The following PRIMA1 variants were observed in gnomAD, a reference collection of about 807,000 sequenced individuals.
PRIMA1 encodes proline rich membrane anchor 1.
PRIMA1 carries 7 observed loss-of-function variants against 17.5 expected under a neutral mutation model. The observed-to-expected ratio is 0.40, with a 90% confidence interval of 0.23 to 0.75. PRIMA1 has a LOEUF of 0.75. Ranked by LOEUF, PRIMA1 falls within the 30% of genes least tolerant of loss-of-function variation. The pLI, the probability that PRIMA1 is intolerant of heterozygous loss-of-function variation, is 0.37. For missense variants in PRIMA1, 200 were observed against 201.8 expected (o/e 0.99, Z 0.05); for synonymous variants, 97 against 77.9 (o/e 1.25, Z -1.29).
intron 3 of PRIMA1, among the ~76,000 whole-genome samples, chr14:93,773,819 C>T (rs1885135136): frequency 6.6e-6 from 1 of 152,156 alleles, no homozygotes. Flanking sequence ...GGTGGCTGGG[C>T]ACGGTGGCTC....
In PRIMA1 at chr14:93,720,889, G is replaced by C. The variant is rs528365134; in HGVS notation, c.*555C>G. On this transcript the variant is annotated 3_prime_UTR_variant, in exon 5 of 5. Transcript: ENST00000393140. ...TAGGAGGGAGAAGGCAGGCCCTGAA[G>C]ATTGACAACAACTGCAGATGGGGCG... is the stretch of plus-strand genomic sequence containing the variant. The C allele has an allele frequency of 3.3e-5, 5 of 153,358 alleles. No homozygotes were observed. Among genetic ancestry groups the C allele is most frequent in the South Asian group, 2.1e-4 (1 of 4,864 alleles). The allele number at this position is 153,358 out of a possible 1,614,324, so 9.5% of individuals were successfully genotyped here. A position where few individuals can be genotyped will look rare whatever the true frequency, so the allele number is the denominator to read the frequency against.
At chr14:93,732,382 C>T (rs2076120317) in intron 4 of PRIMA1, among the ~76,000 whole-genome samples, 2 of 152,270 alleles carry the variant, frequency 1.3e-5, no homozygotes, top group South Asian at 4.1e-4. Context: ...GGTGCCTTGC[C>T]CCTTGGAGCT....
intron 3 of PRIMA1, among the ~76,000 whole-genome samples, chr14:93,778,928 C>T (rs1566978223): frequency 1.3e-5 from 2 of 152,064 alleles, no homozygotes; most frequent in African/African-American, 4.8e-5. Context: ...GGCCAAGTCA[C>T]TCATCAAATG....
chr14:93,787,566 G>A lies in PRIMA1; in HGVS notation c.93+60C>T, dbSNP rs1595231740. On this transcript the variant is annotated intron_variant, in intron 2 of 4. Coordinates refer to ENST00000393140, the MANE Select transcript of PRIMA1 (RefSeq NM_178013.4). ...AGAGGCCAGGGTCTCAGGAGGGAAG[G>A]GACAGCTCGCCCCTTACCCAGGAGG... 1.3e-6 allele frequency: 2 copies of A among 1,536,028 alleles called. 1 individual carries two copies. The highest frequency in any genetic ancestry group is 1.7e-6 in the Non-Finnish European group (2 of 1,146,382).
intron 4 of PRIMA1, among the ~76,000 whole-genome samples, chr14:93,733,173 C>T (rs893913181): frequency 6.6e-6 from 1 of 152,190 alleles, no homozygotes; most frequent in Non-Finnish European, 1.5e-5. Context: ...TCAAGTAACA[C>T]CCTCCCCGCC....
chr14:93,729,554 A>C (rs1446129757), intron 4 of PRIMA1, among the ~76,000 whole-genome samples: 9 of 151,856 alleles, frequency 5.9e-5, no homozygotes, highest in Admixed American at 4.6e-4. Context: ...GAGCAGTTCC[A>C]CTCCTGTCCT....
intron 3 of PRIMA1, among the ~76,000 whole-genome samples, chr14:93,777,150 C>T (rs187024556): frequency 2.0e-5 from 3 of 152,248 alleles, no homozygotes; most frequent in South Asian, 2.1e-4. Flanking sequence ...GGATGAAATG[C>T]GATCTGCTCA....
At chr14:93,766,915 T>C (rs1364957762) in intron 3 of PRIMA1, among the ~76,000 whole-genome samples, 1 of 152,240 alleles carries the variant, frequency 6.6e-6, no homozygotes, top group Non-Finnish European at 1.5e-5. Context: ...CCATATCTTC[T>C]TTATTTTCAT....
intron 3 of PRIMA1, among the ~76,000 whole-genome samples, chr14:93,740,626 C>T (rs138666189): frequency 5.2e-4 from 80 of 152,382 alleles, no homozygotes; most frequent in African/African-American, 1.9e-3. Flanking sequence ...CAGACAGTCA[C>T]ACCGACACTC....
At chr14:93,761,512 G>A (rs150059012) in intron 3 of PRIMA1, among the ~76,000 whole-genome samples, 5 of 152,264 alleles carry the variant, frequency 3.3e-5, no homozygotes, top group Middle Eastern at 6.8e-3. Flanking sequence ...AACCCTGATG[G>A]TTGTACCACA....
intron 3 of PRIMA1, among the ~76,000 whole-genome samples, chr14:93,764,604 TTGAA>T (rs1397541023): frequency 6.6e-6 from 1 of 152,170 alleles, no homozygotes; most frequent in East Asian, 1.9e-4. Flanking sequence ...TAAATATTTG[TTGAA>T]TGAATAAATG....
At position 93,737,387 on chromosome 14, in the gene PRIMA1, C is replaced by A. The variant is rs771797045; in HGVS notation, c.230-17G>T. On this transcript the variant is annotated splice_polypyrimidine_tract_variant and intron_variant, in intron 3 of 4. Transcript: ENST00000393140. The stretch of plus-strand genomic sequence containing the variant: ...AGTTGGGAGCTGAAAAAGACAGGAG[C>A]AGCCTGAGTGTCACCTGGATGAGCT... 1.2e-6 allele frequency: 2 copies of A among 1,612,034 alleles called. No individual in the cohort carries two copies. The highest frequency in any genetic ancestry group is 2.2e-5 in the South Asian group (2 of 90,660).
At chr14:93,747,938 AGTGT>A (rs34019999) in intron 3 of PRIMA1, among the ~76,000 whole-genome samples, 51 of 144,770 alleles carry the variant, frequency 3.5e-4, no homozygotes, top group East Asian at 1.7e-3. Flanking sequence ...TGATTATGTG[AGTGT>A]GTGTGTATGA....
At chr14:93,744,195 G>A (rs1194970916) in intron 3 of PRIMA1, among the ~76,000 whole-genome samples, 4 of 152,208 alleles carry the variant, frequency 2.6e-5, no homozygotes, top group South Asian at 4.1e-4. Flanking sequence ...CACAAAGGAC[G>A]CGGTTTCTCA....
Position 93,779,228 on chromosome 14 carries a change from C to CGGG in PRIMA1, c.174_176dup (p.Pro59dup). ...GCGGGGGTGGGGGCGGCGGGGGCAGCGGGGGAGGGGGCCGGCACTGGCAGA... is the reference window on the plus strand; with the variant it reads ...GCGGGGGTGGGGGCGGCGGGGGCAGCGGGGGGGGAGGGGGCCGGCACTGGCAGA... On this transcript the variant is annotated inframe_insertion, in exon 3 of 5. Coordinates refer to ENST00000393140, the MANE Select transcript of PRIMA1 (RefSeq NM_178013.4). 1.1e-5 allele frequency: 3 copies of CGGG among 275,552 alleles called. No individual in the cohort carries two copies. The highest frequency in any genetic ancestry group is 1.0e-4 in the East Asian group (1 of 9,524). The allele number at this position is 275,552 out of a possible 1,614,324, so 17.1% of individuals were successfully genotyped here.
intron 2 of PRIMA1, among the ~76,000 whole-genome samples, chr14:93,785,110 G>A (rs1885485701): frequency 6.8e-6 from 1 of 147,090 alleles, no homozygotes; most frequent in African/African-American, 2.5e-5. Flanking sequence ...ATGGAGACAG[G>A]CCAGCACCAC....
intron 3 of PRIMA1, among the ~76,000 whole-genome samples, chr14:93,740,957 C>G (rs2076180737): frequency 1.3e-5 from 2 of 152,178 alleles, no homozygotes; most frequent in Non-Finnish European, 2.9e-5. Context: ...TTTTCTTTTG[C>G]TATTCCTTTT....
At chr14:93,759,583 A>G (rs1223756206) in intron 3 of PRIMA1, among the ~76,000 whole-genome samples, 1 of 152,200 alleles carries the variant, frequency 6.6e-6, no homozygotes, top group Non-Finnish European at 1.5e-5. Context: ...CTTGCAAAAA[A>G]GAGAGCATGA....
At chr14:93,769,168 G>A (rs973154276) in intron 3 of PRIMA1, among the ~76,000 whole-genome samples, 1 of 152,228 alleles carries the variant, frequency 6.6e-6, no homozygotes, top group African/African-American at 2.4e-5. Context: ...TTTTATGAAT[G>A]AGGAAGCTGA....
Sources: allele counts gnomAD v4.1 joint callset (sites outside exome capture counted in the v4.1 genomes callset), GRCh38; gene constraint gnomAD v4.1.1; transcripts MANE v1.5; gene names NCBI Gene and HGNC (gene_info 2026-07-23, HGNC 2026-07-21).